ZMYND8: variants seen among roughly 807,000 people sequenced by gnomAD.
ZMYND8 encodes the protein zinc finger MYND-type containing 8.
In ZMYND8, 37 loss-of-function variants were observed where a neutral mutation model predicts 140.8. That is an observed-to-expected ratio of 0.26 (90% CI 0.20 to 0.35). The LOEUF is 0.35. Among genes scored for constraint, ZMYND8 ranks in the 10% least tolerant of loss-of-function variants. The pLI is 1.00. For missense variants in ZMYND8, 1,068 were observed against 1,570.0 expected (o/e 0.68, Z 5.40); for synonymous variants, 592 against 597.1 (o/e 0.99, Z 0.12).
At position 47,354,035 on chromosome 20, in the gene ZMYND8, G is replaced by A. The variant is rs540809145; in HGVS notation, c.14+2622C>T. 5.3e-5 allele frequency: 8 copies of A among 152,252 alleles called. No homozygotes were observed. In the South Asian group the frequency reaches 8.3e-4, roughly 16 times the overall value. The allele number at this position is 152,252 out of a possible 1,614,324, so 9.4% of individuals were successfully genotyped here. ...GGCTGCTCTGGGAGCCAGTACTGCC[G>A]TCCCTACCTAGTCCTGCTGCAATGC... On this transcript the variant is annotated intron_variant, in intron 1 of 22. Coordinates refer to ENST00000471951, the MANE Select transcript of ZMYND8 (RefSeq NM_001281775.3).
At chr20:47,287,860 GCA>G (rs1259919582) in intron 7 of ZMYND8, among the ~76,000 whole-genome samples, 1 of 140,886 alleles carries the variant, frequency 7.1e-6, no homozygotes, top group Non-Finnish European at 1.5e-5. Flanking sequence ...ACGCACACAC[GCA>G]CACACATACA....
intron 6 of ZMYND8, among the ~76,000 whole-genome samples, chr20:47,290,564 A>C (rs1318509468): frequency 1.3e-5 from 2 of 148,584 alleles, no homozygotes; most frequent in African/African-American, 5.0e-5. Flanking sequence ...TCCAATAAAC[A>C]GGATAGTTTA....
chr20:47,302,503 A>G (rs1215331900), intron 3 of ZMYND8, among the ~76,000 whole-genome samples: 2 of 152,282 alleles, frequency 1.3e-5, no homozygotes, highest in Admixed American at 6.5e-5. Context: ...CATCCCCGAG[A>G]TATCTCACTA....
At chr20:47,241,358 T>C (rs1394031675) in intron 14 of ZMYND8, among the ~76,000 whole-genome samples, 1 of 151,568 alleles carries the variant, frequency 6.6e-6, no homozygotes. Context: ...AAGCAGGACT[T>C]GAGAACGGGA....
At position 47,238,849 on chromosome 20, in the gene ZMYND8, C is replaced by T. The variant is rs918152177; in HGVS notation, c.2574G>A (p.Gln858=). The T allele has an allele frequency of 6.2e-7, 1 of 1,613,332 alleles. No homozygotes were observed. Among genetic ancestry groups the T allele is most frequent in the East Asian group, 2.2e-5 (1 of 44,876 alleles). Residue 858 remains glutamine (Q), a synonymous_variant, in exon 15 of 23, where the codon CAG becomes CAA. Coordinates refer to ENST00000471951, the MANE Select transcript of ZMYND8 (RefSeq NM_001281775.3). Reference sequence around the variant, plus strand: ...GCTGCTGCTGCTGCTGCTGCTGACGCTGCATCTTCTGCATGTGCCACTTTT... The same window carrying T: ...GCTGCTGCTGCTGCTGCTGCTGACGTTGCATCTTCTGCATGTGCCACTTTT... ...SSQKWHMQKM[Q]RQQQQQQQQN... is the part of the protein sequence containing the mutation.
At chr20:47,340,123 G>A (rs2081721793) in intron 2 of ZMYND8, among the ~76,000 whole-genome samples, 1 of 152,028 alleles carries the variant, frequency 6.6e-6, no homozygotes. Flanking sequence ...TCTATTTTTA[G>A]TGGACACTGG....
chr20:47,310,679 G>A (rs571160754), intron 2 of ZMYND8, among the ~76,000 whole-genome samples: 40 of 151,742 alleles, frequency 2.6e-4, no homozygotes, highest in African/African-American at 9.2e-4. Context: ...CCAGCTACTC[G>A]GGAGGCTGAG....
At chr20:47,330,095 G>A (rs567534424) in intron 2 of ZMYND8, among the ~76,000 whole-genome samples, 1 of 152,264 alleles carries the variant, frequency 6.6e-6, no homozygotes, top group Admixed American at 6.5e-5. Flanking sequence ...AGAGGGCTTG[G>A]GTCTCCATGG....
At chr20:47,322,949 T>G (rs866854576) in intron 2 of ZMYND8, among the ~76,000 whole-genome samples, 1 of 152,112 alleles carries the variant, frequency 6.6e-6, no homozygotes, top group Non-Finnish European at 1.5e-5. Flanking sequence ...TGTCGTTCAG[T>G]GTGTGGGCTC....
chr20:47,337,432 C>T (rs547362912), intron 2 of ZMYND8, among the ~76,000 whole-genome samples: 8 of 152,100 alleles, frequency 5.3e-5, no homozygotes, highest in Non-Finnish European at 1.0e-4. Flanking sequence ...TTTGGAAAGC[C>T]GAGGTAGGTG....
intron 14 of ZMYND8, among the ~76,000 whole-genome samples, chr20:47,243,269 G>A (rs1302470556): frequency 6.6e-6 from 1 of 152,216 alleles, no homozygotes; most frequent in African/African-American, 2.4e-5. Flanking sequence ...TTGAAAAGAT[G>A]CTCTCTAGCG....
chr20:47,224,689 G>T (rs2037437248), intron 18 of ZMYND8, 133 bp from the exon 19 acceptor site: 2 of 1,475,486 alleles, frequency 1.4e-6, no homozygotes, highest in Admixed American at 1.9e-5. Flanking sequence ...GTGCCCATGG[G>T]CAATAACCTA....
At chr20:47,346,299 C>T (rs1305682708) in intron 2 of ZMYND8, among the ~76,000 whole-genome samples, 1 of 152,164 alleles carries the variant, frequency 6.6e-6, no homozygotes, top group African/African-American at 2.4e-5. Flanking sequence ...ATCAAAAACA[C>T]CTCTGTGAGA....
chr20:47,238,567 G>C (rs2039541123), intron 15 of ZMYND8, 191 bp downstream of exon 15: 7 of 1,124,746 alleles, frequency 6.2e-6, no homozygotes, highest in Non-Finnish European at 8.8e-6. Context: ...AAAACTTTTT[G>C]AAAGTAAAAA....
chr20:47,316,701 A>T (rs1282503789), intron 2 of ZMYND8, among the ~76,000 whole-genome samples: 1 of 151,882 alleles, frequency 6.6e-6, no homozygotes, highest in African/African-American at 2.4e-5. Context: ...AGGCTGAGGC[A>T]GGAAAATTGC....
At chr20:47,319,164 C>G (rs1329449061) in intron 2 of ZMYND8, 1 of 584,544 alleles carries the variant, frequency 1.7e-6, no homozygotes, top group East Asian at 6.8e-5. Flanking sequence ...GGCAAGGACA[C>G]TGTCACCTCT....
At chr20:47,315,309 C>T (rs1569178838) in intron 2 of ZMYND8, among the ~76,000 whole-genome samples, 1 of 152,126 alleles carries the variant, frequency 6.6e-6, no homozygotes, top group East Asian at 1.9e-4. Context: ...ACATAAAAAC[C>T]CCAATTCTGT....
At chr20:47,250,063 GAT>G (rs1370835702) in intron 12 of ZMYND8, among the ~76,000 whole-genome samples, 1 of 152,200 alleles carries the variant, frequency 6.6e-6, no homozygotes, top group Non-Finnish European at 1.5e-5. Flanking sequence ...AAGGGGAACA[GAT>G]TAGCCCTGGA....
At chr20:47,300,110 C>A (rs906070361) in intron 3 of ZMYND8, among the ~76,000 whole-genome samples, 1 of 152,134 alleles carries the variant, frequency 6.6e-6, no homozygotes, top group Non-Finnish European at 1.5e-5. Context: ...TGGAATCCAG[C>A]AAAGCCACAC....
Sources: gnomAD v4.1 joint callset for allele counts (sites outside exome capture counted in the v4.1 genomes callset) on GRCh38, gnomAD v4.1.1 for gene constraint, MANE v1.5 for transcripts, NCBI Gene and HGNC (gene_info 2026-07-23, HGNC 2026-07-21) for gene names.